Variants in PACSIN2 observed in about 807,000 individuals in gnomAD.
PACSIN2 encodes protein kinase C and casein kinase substrate in neurons 2, also known as protein kinase C and casein kinase substrate in neurons protein 2.
In PACSIN2, 25 loss-of-function variants were observed where a neutral mutation model predicts 63.8. That is an observed-to-expected ratio of 0.39 (90% CI 0.29 to 0.55). The LOEUF is 0.55. PACSIN2 is among the 20% of genes least tolerant of loss of function. The pLI is 0.62. For synonymous variants in PACSIN2, 255 were observed against 256.2 expected, an observed-to-expected ratio of 1.00 and a Z score of 0.05; for missense variants, 518 against 646.9, an observed-to-expected ratio of 0.80 and a Z score of 2.16.
chr22:43,014,334 A>T (rs56229254), intron 1 of PACSIN2, among the ~76,000 whole-genome samples: 371 of 19,656 alleles, frequency 0.019, 5 homozygotes, highest in African/African-American at 0.094. Flanking sequence ...ACACACACAC[A>T]CACACACACA....
chr22:42,940,710 T>G (rs1569301256), intron 1 of PACSIN2, among the ~76,000 whole-genome samples: 2 of 152,162 alleles, frequency 1.3e-5, no homozygotes, highest in South Asian at 4.1e-4. Flanking sequence ...CTTGGGACTT[T>G]GTGTTTAATC....
At chr22:42,875,225 CT>C (rs1928517629) in intron 10 of PACSIN2, among the ~76,000 whole-genome samples, 1 of 151,794 alleles carries the variant, frequency 6.6e-6, no homozygotes, top group South Asian at 2.1e-4. Flanking sequence ...ACATGGCTCA[CT>C]GTATCCTCTT....
At chr22:42,881,286 T>C (rs907391439) in intron 7 of PACSIN2, among the ~76,000 whole-genome samples, 10 of 152,184 alleles carry the variant, frequency 6.6e-5, no homozygotes, top group Non-Finnish European at 2.9e-5. Flanking sequence ...AGTCACCATG[T>C]TCCCTAACAG....
At chr22:42,967,587 G>A (rs546467397) in intron 1 of PACSIN2, among the ~76,000 whole-genome samples, 1 of 152,310 alleles carries the variant, frequency 6.6e-6, no homozygotes, top group African/African-American at 2.4e-5. Flanking sequence ...GTGAGTTGGT[G>A]TTTAGAAACC....
chr22:42,892,195 G>A (rs1034103675), intron 3 of PACSIN2, among the ~76,000 whole-genome samples: 8 of 152,206 alleles, frequency 5.3e-5, no homozygotes, highest in Middle Eastern at 3.4e-3. Flanking sequence ...GTGGGGTGGC[G>A]TGAGGCTGGA....
chr22:42,893,025 T>G (rs1472052683), intron 3 of PACSIN2, among the ~76,000 whole-genome samples: 2 of 152,224 alleles, frequency 1.3e-5, no homozygotes, highest in African/African-American at 2.4e-5. Context: ...ATTATTCCCT[T>G]AAAATGTAAA....
At chr22:42,912,783 C>T (rs1199658187) in intron 1 of PACSIN2, among the ~76,000 whole-genome samples, 1 of 152,216 alleles carries the variant, frequency 6.6e-6, no homozygotes, top group Admixed American at 6.5e-5. Flanking sequence ...AGTGTGATGA[C>T]CTGTCCGCAG....
chr22:42,981,336 C>T (rs1472260980), intron 1 of PACSIN2, among the ~76,000 whole-genome samples: 2 of 144,976 alleles, frequency 1.4e-5, no homozygotes, highest in Non-Finnish European at 3.0e-5. Flanking sequence ...GGCAGCCACC[C>T]CGTCCGGGAG....
chr22:42,985,651 C>A (rs755297771), intron 1 of PACSIN2, among the ~76,000 whole-genome samples: 24 of 152,318 alleles, frequency 1.6e-4, no homozygotes, highest in Middle Eastern at 3.4e-3. Flanking sequence ...GCCCCTCCAA[C>A]AGACACACAC....
intron 2 of PACSIN2, chr22:42,909,441 A>G (rs1931301873): frequency 2.2e-6 from 1 of 449,806 alleles, no homozygotes; most frequent in Admixed American, 2.5e-5. Flanking sequence ...GAAGATGTGC[A>G]GTTGGCAGTG....
intron 4 of PACSIN2, among the ~76,000 whole-genome samples, chr22:42,889,188 A>G (rs1209524320): frequency 2.0e-5 from 3 of 151,874 alleles, no homozygotes; most frequent in Non-Finnish European, 4.4e-5. Context: ...ATGACATGGA[A>G]CACGCACATG....
At chr22:42,945,445 G>A (rs1016369800) in intron 1 of PACSIN2, among the ~76,000 whole-genome samples, 1 of 152,110 alleles carries the variant, frequency 6.6e-6, no homozygotes. Flanking sequence ...CTGCTGTCTG[G>A]CCCAGACCCG....
Position 42,922,706 on chromosome 22 carries a change from G to A in PACSIN2, c.-77-10549C>T, listed in dbSNP as rs185452917. ...CCAAGGTGAGAGGGCCCTTTGATAA[G>A]GGACATATTTACCATGTGAACATCT... On this transcript the variant is annotated intron_variant, in intron 1 of 10. Coordinates refer to ENST00000263246, the MANE Select transcript of PACSIN2 (RefSeq NM_001184970.3). 1.1e-4 allele frequency among the ~76,000 whole-genome samples: 17 copies of A among 152,322 alleles called. No individual in the cohort carries two copies. In the East Asian group the frequency reaches 3.3e-3, roughly 29 times the overall value.
intron 1 of PACSIN2, among the ~76,000 whole-genome samples, chr22:42,944,639 G>C (rs1324257186): frequency 1.3e-5 from 2 of 152,172 alleles, no homozygotes; most frequent in Non-Finnish European, 2.9e-5. Flanking sequence ...GCAAAAATTG[G>C]AAACGAGTCA....
Position 42,885,552 on chromosome 22 carries a change from G to T in PACSIN2, c.610-991C>A, listed in dbSNP as rs147096052. ...TCCCGAGACACTGCAGGCCTATCGG[G>T]CACCCTCTCTGCCCCCAGCTGGGAC... On this transcript the variant is annotated intron_variant, in intron 5 of 10. Coordinates refer to ENST00000263246, the MANE Select transcript of PACSIN2 (RefSeq NM_001184970.3). 2.0e-5 allele frequency among the ~76,000 whole-genome samples: 3 copies of T among 152,170 alleles called. No individual in the cohort carries two copies. In the East Asian group the frequency reaches 5.8e-4, roughly 29 times the overall value.
chr22:42,889,709 G>T (rs1402210714), intron 4 of PACSIN2, among the ~76,000 whole-genome samples: 1 of 152,142 alleles, frequency 6.6e-6, no homozygotes, highest in African/African-American at 2.4e-5. Flanking sequence ...GCTAGGAATG[G>T]GGGGCGAGGC....
intron 5 of PACSIN2, among the ~76,000 whole-genome samples, chr22:42,884,958 G>A (rs1929365955): frequency 6.6e-6 from 1 of 152,184 alleles, no homozygotes; most frequent in Admixed American, 6.5e-5. Flanking sequence ...CAGCTCTCTT[G>A]GAGCCTCACT....
At chr22:42,883,731 T>C (rs1048080624) in intron 6 of PACSIN2, among the ~76,000 whole-genome samples, 6 of 152,220 alleles carry the variant, frequency 3.9e-5, no homozygotes, top group Admixed American at 2.6e-4. Context: ...TGCGGCCAGG[T>C]GCGGTGGCTC....
rs1924799957 is a variant in PACSIN2, at chr22:43,015,072, A to C, written c.-129T>G. ...AGGCTGCCACGGCGTCTCCAGACCC[A>C]GCTCCGGCCGGGCTCCCGCTACCGC... On this transcript the variant is annotated 5_prime_UTR_variant, in exon 1 of 11. Transcript: ENST00000263246. The C allele has an allele frequency of 6.6e-6, 1 of 152,488 alleles. No homozygotes were observed. Among genetic ancestry groups the C allele is most frequent in the African/African-American group, 2.4e-5 (1 of 41,360 alleles). The allele number at this position is 152,488 out of a possible 1,614,324, so 9.4% of individuals were successfully genotyped here.
Sources: gnomAD v4.1 joint callset for allele counts (sites outside exome capture counted in the v4.1 genomes callset) on GRCh38, gnomAD v4.1.1 for gene constraint, MANE v1.5 for transcripts, NCBI Gene and HGNC (gene_info 2026-07-23, HGNC 2026-07-21) for gene names.